The following PCDHGA4 variants were observed in gnomAD, a reference collection of about 807,000 sequenced individuals.
PCDHGA4 encodes protocadherin gamma-A4.
Under a neutral mutation model 54.6 loss-of-function variants are expected in PCDHGA4, and 38 were observed. The observed-to-expected ratio is 0.70, with a 90% confidence interval of 0.54 to 0.91. PCDHGA4 has a LOEUF of 0.91. Ranked by LOEUF, PCDHGA4 falls within the 40% of genes least tolerant of loss-of-function variation. The probability of loss-of-function intolerance (pLI) is 0.00; values close to 1 mark genes in which losing one functional copy is unlikely to be tolerated. For synonymous variants in PCDHGA4, 511 were observed against 512.9 expected (o/e 1.00, Z 0.05); for missense variants, 1,298 against 1,220.9 (o/e 1.06, Z -0.94).
At chr5:141,409,097 G>C in intron 1 of PCDHGA4, 1 of 1,613,958 alleles carries the variant, frequency 6.2e-7, no homozygotes, top group Non-Finnish European at 8.5e-7. Context: ...TGAGAAAACA[G>C]GTATGATTAA....
At chr5:141,383,069 G>C (rs370612007) in intron 1 of PCDHGA4, 5 of 1,613,768 alleles carry the variant, frequency 3.1e-6, no homozygotes, top group Non-Finnish European at 3.4e-6. Flanking sequence ...CTGGAGCCCC[G>C]GGAGCTGGCG....
Position 141,512,836 on chromosome 5 carries a change from T to G in PCDHGA4, c.*1663T>G, listed in dbSNP as rs1024777792. On this transcript the variant is annotated 3_prime_UTR_variant, in exon 4 of 4. Transcript: ENST00000571252. ...GGCGACCCCCTCCCCCGTACTGACTTCTCCTATAAGCGCTTCTCTTCGCAT... is the reference window on the plus strand; with the variant it reads ...GGCGACCCCCTCCCCCGTACTGACTGCTCCTATAAGCGCTTCTCTTCGCAT... 2 of 152,222 alleles carry G rather than the reference T, an allele frequency of 1.3e-5. No homozygotes were observed. Among genetic ancestry groups the G allele is most frequent in the African/African-American group, 4.8e-5 (2 of 41,412 alleles). The allele number at this position is 152,222 out of a possible 1,614,324, so 9.4% of individuals were successfully genotyped here. A position where few individuals can be genotyped will look rare whatever the true frequency, so the allele number is the denominator to read the frequency against.
chr5:141,427,405 C>T (rs1209638263), intron 1 of PCDHGA4: 1 of 462,180 alleles, frequency 2.2e-6, no homozygotes, highest in East Asian at 6.8e-5. Context: ...GATAAAGATT[C>T]GAGAGAAAAT....
In PCDHGA4 at chr5:141,489,950, A is replaced by G; in HGVS notation, c.2515-4857A>G. 2 of 1,614,192 alleles carry G rather than the reference A, an allele frequency of 1.2e-6. No individual in the cohort carries two copies. The highest frequency in any genetic ancestry group is 1.1e-5 in the South Asian group (1 of 91,088). ...TCTGTCATCGTGCTGGACATCAATG[A>G]TAATGCTCCAACCTTCCAATCCTCA... On this transcript the variant is annotated intron_variant, in intron 1 of 3. Transcript: ENST00000571252. The surrounding 1 kb of genome is among the most constrained non-coding windows in gnomAD (Gnocchi z 4.5).
At chr5:141,384,906 C>G (rs767972748) in intron 1 of PCDHGA4, 3 of 1,613,882 alleles carry the variant, frequency 1.9e-6, no homozygotes, top group East Asian at 4.5e-5. Flanking sequence ...ACAGCATCCC[C>G]GAAGTCTTGG....
At chr5:141,387,967 C>A in intron 1 of PCDHGA4, 1 of 1,489,224 alleles carries the variant, frequency 6.7e-7, no homozygotes, top group Non-Finnish European at 9.0e-7. Context: ...TTCTGCCCGG[C>A]GCTCTGTGAG....
At chr5:141,433,111 C>T (rs2097569323) in intron 1 of PCDHGA4, 1 of 1,613,966 alleles carries the variant, frequency 6.2e-7, no homozygotes, top group African/African-American at 1.3e-5. Context: ...GCCAGGAGAG[C>T]TTTGAAAAAA....
intron 1 of PCDHGA4, chr5:141,375,284 TATTATCGATTAGTGACAA>T: frequency 3.1e-6 from 5 of 1,613,832 alleles, no homozygotes; most frequent in Non-Finnish European, 4.2e-6. Context: ...AGTTGGCAAT[TATTATCGATTAGTGACAA>T]ATGCAGCTCT....
intron 1 of PCDHGA4, chr5:141,405,288 T>C: frequency 6.2e-7 from 1 of 1,614,110 alleles, no homozygotes; most frequent in African/African-American, 1.3e-5. Context: ...GCAGACACAC[T>C]CATCAGCCAG....
In PCDHGA4 at chr5:141,485,872, G is replaced by A; in HGVS notation, c.2515-8935G>A. ...CCGCAGAGCTCCGGGTATCCGTGCT[G>A]GACGTAAACGACAACGCCCCAGCCT... On this transcript the variant is annotated intron_variant, in intron 1 of 3. Transcript: ENST00000571252. The surrounding 1 kb of genome is among the most constrained non-coding windows in gnomAD (Gnocchi z 5.7). 1 of 1,614,170 alleles carries A rather than the reference G, an allele frequency of 6.2e-7. No homozygotes were observed. The highest frequency in any genetic ancestry group is 2.2e-5 in the East Asian group (1 of 44,876).
In PCDHGA4 at chr5:141,355,082, G is replaced by A. The variant is rs1759709417; in HGVS notation, c.-26G>A. 7 of 1,429,092 alleles carry A rather than the reference G, an allele frequency of 4.9e-6. No homozygotes were observed. The highest frequency in any genetic ancestry group is 4.7e-5 in the East Asian group (2 of 42,272). The allele number at this position is 1,429,092 out of a possible 1,614,324, so 88.5% of individuals were successfully genotyped here. ...CTGGAGCTTTATGAAAGCTTCAAGC[G>A]GAAGCCCTGAGAGCTCTGGCTGTGA... On this transcript the variant is annotated 5_prime_UTR_variant, in exon 1 of 4. Transcript: ENST00000571252.
At chr5:141,407,622 A>G (rs2094961891) in intron 1 of PCDHGA4, among the ~76,000 whole-genome samples, 3 of 152,316 alleles carry the variant, frequency 2.0e-5, no homozygotes, top group South Asian at 2.1e-4. Context: ...TTGACATTCT[A>G]TATCTCGTAT....
intron 1 of PCDHGA4, chr5:141,423,675 T>C: frequency 1.3e-6 from 2 of 1,540,488 alleles, no homozygotes; most frequent in Non-Finnish European, 1.7e-6. Flanking sequence ...GATTTATTTC[T>C]CTGCCTCCTA....
At chr5:141,429,387 T>TTA (rs775632416) in intron 1 of PCDHGA4, among the ~76,000 whole-genome samples, 40 of 151,448 alleles carry the variant, frequency 2.6e-4, no homozygotes, top group African/African-American at 7.0e-4. Context: ...GTTTTTTTTT[T>TTA]AAAAAAAATT....
intron 1 of PCDHGA4, chr5:141,400,720 T>G (rs2150871186): frequency 1.5e-6 from 1 of 669,356 alleles, no homozygotes; most frequent in Non-Finnish European, 2.5e-6. Context: ...CCTTATAGAT[T>G]TACAAAGTAG....
chr5:141,394,487 C>A, intron 1 of PCDHGA4: 1 of 1,614,248 alleles, frequency 6.2e-7, no homozygotes. Context: ...AGAATGACAA[C>A]GCGCCCGAGA....
Position 141,476,036 on chromosome 5 carries a change from A to T in PCDHGA4, c.2515-18771A>T. ...ATGTCGGACTCGGCGCCCAGCGCCC[A>T]AGCGCTAACCCGCTGAAAGTTTCTC... On this transcript the variant is annotated intron_variant, in intron 1 of 3. Coordinates refer to ENST00000571252, the MANE Select transcript of PCDHGA4 (RefSeq NM_018917.4). This position sits in a 1 kb window ranked among gnomAD's most constrained non-coding sequence, Gnocchi z 7.6. 1.4e-6 allele frequency: 2 copies of T among 1,471,164 alleles called. No individual in the cohort carries two copies. The highest frequency in any genetic ancestry group is 1.8e-6 in the Non-Finnish European group (2 of 1,106,602). 91.1% of individuals were successfully genotyped at this position (1,471,164 alleles called of 1,614,324 possible).
chr5:141,372,348 C>A, intron 1 of PCDHGA4: 1 of 1,613,852 alleles, frequency 6.2e-7, no homozygotes, highest in Middle Eastern at 1.6e-4. Context: ...TGGAGGACAG[C>A]AGCCTCTTTC....
At chr5:141,407,602 G>A (rs1395597779) in intron 1 of PCDHGA4, among the ~76,000 whole-genome samples, 2 of 152,064 alleles carry the variant, frequency 1.3e-5, no homozygotes, top group Non-Finnish European at 2.9e-5. Context: ...ATCTTAAAAA[G>A]AAGCATTGGT....
Sources: allele counts gnomAD v4.1 joint callset (sites outside exome capture counted in the v4.1 genomes callset), GRCh38; gene constraint gnomAD v4.1.1; non-coding constraint Gnocchi (gnomAD v3.1); transcripts MANE v1.5; gene names NCBI Gene and HGNC (gene_info 2026-07-23, HGNC 2026-07-21).